Variants in STK3 observed in about 807,000 individuals in gnomAD.
STK3 encodes serine/threonine kinase 3.
STK3 carries 41 observed loss-of-function variants against 58.0 expected under a neutral mutation model. The ratio of observed to expected loss-of-function variants is 0.71; its 90% CI spans 0.55 to 0.92. The LOEUF (loss-of-function observed/expected upper bound fraction) is 0.92, where lower values mean the gene tolerates loss of function less well. Ranked by LOEUF, STK3 falls within the 40% of genes least tolerant of loss-of-function variation. The pLI, the probability that STK3 is intolerant of heterozygous loss-of-function variation, is 0.00. For missense variants in STK3, 479 were observed against 602.7 expected (o/e 0.79, Z 2.15); for synonymous variants, 170 against 191.0 (o/e 0.89, Z 0.91).
intron 3 of STK3, among the ~76,000 whole-genome samples, chr8:98,846,739 T>C (rs1836216051): frequency 2.6e-5 from 4 of 152,096 alleles, no homozygotes; most frequent in Admixed American, 2.6e-4. Flanking sequence ...AATCAGGTAT[T>C]GAGGGGCATG....
At chr8:98,648,802 G>A (rs1336178471) in intron 6 of STK3, among the ~76,000 whole-genome samples, 2 of 151,262 alleles carry the variant, frequency 1.3e-5, no homozygotes, top group Admixed American at 6.6e-5. Context: ...TGAGGCAGGA[G>A]AATCACTTGA....
downstream of STK3, among the ~76,000 whole-genome samples, chr8:98,399,304 C>T (rs572621134): frequency 6.6e-6 from 1 of 152,216 alleles, no homozygotes; most frequent in Non-Finnish European, 1.5e-5. Context: ...ACTGTTATTG[C>T]TCACCACATA....
At chr8:98,850,434 C>T (rs1457624660) in intron 3 of STK3, among the ~76,000 whole-genome samples, 2 of 152,092 alleles carry the variant, frequency 1.3e-5, no homozygotes, top group African/African-American at 4.8e-5. Context: ...AGGAGGAAGC[C>T]AAGAAGCAGA....
intron 9 of STK3, among the ~76,000 whole-genome samples, chr8:98,540,651 T>C (rs1586815690): frequency 6.6e-6 from 1 of 152,132 alleles, no homozygotes; most frequent in South Asian, 2.1e-4. Flanking sequence ...TTATTTAACA[T>C]TGTAGTCGAC....
intron 1 of STK3, among the ~76,000 whole-genome samples, chr8:98,941,706 C>T (rs192971363): frequency 1.3e-5 from 2 of 152,296 alleles, no homozygotes; most frequent in Non-Finnish European, 2.9e-5. Flanking sequence ...CCCTCCTCCT[C>T]CACCTCCTCC....
At chr8:98,879,734 T>C (rs780710470), downstream of STK3, 2 of 152,214 alleles carry the variant, frequency 1.3e-5, no homozygotes, top group Non-Finnish European at 2.9e-5. Context: ...TATTAATTCA[T>C]ATCTCAAAAA....
chr8:98,442,928 C>T (rs990442539), intron 1 of STK3, among the ~76,000 whole-genome samples: 1 of 151,308 alleles, frequency 6.6e-6, no homozygotes, highest in African/African-American at 2.4e-5. Context: ...AATATTCACA[C>T]AGATTTTTGT....
chr8:98,573,116 T>C (rs997483445), intron 8 of STK3, among the ~76,000 whole-genome samples: 10 of 152,106 alleles, frequency 6.6e-5, no homozygotes, highest in East Asian at 3.9e-4. Context: ...TGAAGAGTCA[T>C]TAAAAAACTG....
At chr8:98,834,566 G>A (rs1835678843) in intron 3 of STK3, among the ~76,000 whole-genome samples, 1 of 152,214 alleles carries the variant, frequency 6.6e-6, no homozygotes, top group South Asian at 2.1e-4. Context: ...AGGCTAGGAG[G>A]TCCAAGATCA....
chr8:98,444,208 G>A (rs139206155), intron 1 of STK3, among the ~76,000 whole-genome samples: 1 of 152,332 alleles, frequency 6.6e-6, no homozygotes, highest in East Asian at 1.9e-4. Flanking sequence ...GTATACAGAG[G>A]AGGTGTCCCT....
chr8:98,469,253 G>A (rs1005141416), intron 10 of STK3, among the ~76,000 whole-genome samples: 7 of 124,634 alleles, frequency 5.6e-5, no homozygotes, highest in African/African-American at 8.6e-5. Flanking sequence ...TTTTCTTTGC[G>A]GGGGCGGGGG....
At chr8:98,898,234 G>A (rs199920282) in intron 1 of STK3, among the ~76,000 whole-genome samples, 104 of 152,300 alleles carry the variant, frequency 6.8e-4, no homozygotes, top group African/African-American at 2.2e-3. Context: ...AACATTTCCT[G>A]CCATGGAGTG....
chr8:98,385,506 G>A (rs1267245741), intron 1 of STK3, among the ~76,000 whole-genome samples: 1 of 152,150 alleles, frequency 6.6e-6, no homozygotes, highest in Admixed American at 6.5e-5. Flanking sequence ...GGATGAAAGT[G>A]GAAGCCACAC....
At chr8:98,350,300 A>T in the STK3 span, among the ~76,000 whole-genome samples, 2 of 152,224 alleles carry the variant, frequency 1.3e-5, no homozygotes, top group Non-Finnish European at 2.9e-5. Flanking sequence ...CAAGTTCCTT[A>T]TCTCCATCTG....
chr8:98,598,675 A>G, intron 6 of STK3: 2 of 985,306 alleles, frequency 2.0e-6, no homozygotes, highest in Non-Finnish European at 2.4e-6. Context: ...CTTTAGACTA[A>G]CAATTCATTC....
At chr8:98,871,163 G>GT (rs1034798827) in intron 3 of STK3, among the ~76,000 whole-genome samples, 4 of 152,094 alleles carry the variant, frequency 2.6e-5, no homozygotes, top group African/African-American at 9.7e-5. Context: ...TAGATGTGTG[G>GT]TATTATTTCC....
intron 1 of STK3, among the ~76,000 whole-genome samples, chr8:98,934,911 C>T (rs1441515825): frequency 2.3e-5 from 3 of 128,320 alleles, no homozygotes; most frequent in East Asian, 1.9e-4. Flanking sequence ...AGCGAGACGC[C>T]GTCTCAAAAA....
At chr8:98,567,457 G>A (rs1812584054) in intron 8 of STK3, among the ~76,000 whole-genome samples, 1 of 152,116 alleles carries the variant, frequency 6.6e-6, no homozygotes, top group Non-Finnish European at 1.5e-5. Flanking sequence ...CTTGGCCTCT[G>A]AAAGTGCTAG....
At chr8:98,365,221 G>A in the STK3 span, among the ~76,000 whole-genome samples, 2 of 152,228 alleles carry the variant, frequency 1.3e-5, no homozygotes, top group Admixed American at 6.5e-5. Flanking sequence ...TTCCCAGCAA[G>A]ATCACTGGAG....
Sources: allele counts gnomAD v4.1 joint callset (sites outside exome capture counted in the v4.1 genomes callset), GRCh38; gene constraint gnomAD v4.1.1; transcripts MANE v1.5; gene names NCBI Gene and HGNC (gene_info 2026-07-23, HGNC 2026-07-21).